Variants in ENPP1 observed in about 807,000 individuals in gnomAD.
ENPP1 encodes the protein ectonucleotide pyrophosphatase/phosphodiesterase 1, also known as ectonucleotide pyrophosphatase/phosphodiesterase family member 1.
A neutral mutation model predicts 122.8 loss-of-function variants in ENPP1; 73 were observed. The ratio of observed to expected loss-of-function variants is 0.59; its 90% CI spans 0.49 to 0.72. The LOEUF is 0.72. Among genes scored for constraint, ENPP1 ranks in the 30% least tolerant of loss-of-function variants. The pLI is 0.00. For synonymous variants in ENPP1, 367 were observed against 391.6 expected (o/e 0.94, Z 0.74); for missense variants, 978 against 1,128.1 (o/e 0.87, Z 1.91).
intron 8 of ENPP1, among the ~76,000 whole-genome samples, chr6:131,861,067 T>C (rs1439362192): frequency 6.6e-6 from 1 of 152,214 alleles, no homozygotes; most frequent in Admixed American, 6.5e-5. Flanking sequence ...ATAGTTAGTT[T>C]GCAGGTTATG....
Position 131,884,970 on chromosome 6 carries a change from A to G in ENPP1, c.2351A>G (p.Tyr784Cys), listed in dbSNP as rs1782357303. 1 of 1,613,966 alleles carries G rather than the reference A, an allele frequency of 6.2e-7. No individual in the cohort carries two copies. The highest frequency in any genetic ancestry group is 1.7e-5 in the Admixed American group (1 of 60,012). Reference sequence around the variant, plus strand: ...TTTCATGACACCCTACTGCGAAAGTATGCTGAAGAAAGAAATGGTGTCAAT... The same window carrying G: ...TTTCATGACACCCTACTGCGAAAGTGTGCTGAAGAAAGAAATGGTGTCAAT... The part of the protein sequence containing the change: ...RYFHDTLLRK[Y>C]AEERNGVNVV... The change falls in exon 23 of 25, where the codon TAT (tyrosine) becomes TGT (cysteine). Residue 784 changes from tyrosine (Y) to cysteine (C), a missense_variant. Around this residue, in one of 3 missense-constraint regions of ENPP1, gnomAD observed 644 missense variants for 781.5 expected, o/e 0.82. Coordinates refer to ENST00000647893, the MANE Select transcript of ENPP1 (RefSeq NM_006208.3).
At chr6:131,877,448 T>C in intron 18 of ENPP1, 1 of 447,142 alleles carries the variant, frequency 2.2e-6, no homozygotes, top group South Asian at 2.2e-5. Flanking sequence ...TGGAGAAGTC[T>C]AGTTCAGTTC....
At chr6:131,845,448 CTTG>C (rs770461883) in intron 1 of ENPP1, among the ~76,000 whole-genome samples, 1 of 76,754 alleles carries the variant, frequency 1.3e-5, no homozygotes, top group Non-Finnish European at 2.4e-5. Context: ...GTTGTTTTGG[CTTG>C]TTTTTTTTTT....
At chr6:131,817,754 T>C (rs62424467) in intron 1 of ENPP1, among the ~76,000 whole-genome samples, 12 of 146,442 alleles carry the variant, frequency 8.2e-5, no homozygotes, top group East Asian at 2.0e-4. Context: ...TCTCTCTCCA[T>C]ACACACACAC....
At chr6:131,835,392 T>C (rs1781661843) in intron 1 of ENPP1, among the ~76,000 whole-genome samples, 1 of 152,218 alleles carries the variant, frequency 6.6e-6, no homozygotes, top group African/African-American at 2.4e-5. Flanking sequence ...AAAAGAGGAA[T>C]GATGTAATGA....
rs779657137 is a variant in ENPP1 at position 131,869,405 on chromosome 6, T to A, written c.1321T>A (p.Leu441Met). Residue 441 changes from leucine (L) to methionine (M), a missense_variant, in exon 13 of 25, where the codon TTG (leucine) becomes ATG (methionine). Coordinates refer to ENST00000647893, the MANE Select transcript of ENPP1 (RefSeq NM_006208.3). The stretch of plus-strand genomic sequence containing the variant: ...GAAATACATATATCTGAATAAATAT[T>A]TGGGGGATGTTAAAAATATTAAAGT... ...CKKYIYLNKY[L>M]GDVKNIKVIY... 2 of 1,612,852 alleles carry A rather than the reference T, an allele frequency of 1.2e-6. No homozygotes were observed. The highest frequency in any genetic ancestry group is 1.7e-5 in the Admixed American group (1 of 59,984).
At chr6:131,837,114 A>G (rs529443366) in intron 1 of ENPP1, among the ~76,000 whole-genome samples, 2 of 150,430 alleles carry the variant, frequency 1.3e-5, no homozygotes, top group Non-Finnish European at 3.0e-5. Context: ...GTAATAAATG[A>G]CCTTGTCCAC....
intron 20 of ENPP1, among the ~76,000 whole-genome samples, chr6:131,881,978 G>A (rs7768359): frequency 0.39 from 59,420 of 151,642 alleles, 15,897 homozygotes; most frequent in African/African-American, 0.76. Context: ...AGATTGCGCC[G>A]CTGCCCTCTA....
At chr6:131,864,623 A>G (rs1782065714) in intron 10 of ENPP1, 52 bp downstream of exon 10, 1 of 1,254,326 alleles carries the variant, frequency 8.0e-7, no homozygotes, top group Non-Finnish European at 1.2e-6. Context: ...TAGAAATGAT[A>G]TACTATTTTA....
rs930329977 is a variant in ENPP1 at position 131,893,816 on chromosome 6, C to G, written c.*3305C>G. 6.6e-6 allele frequency: 1 copy of G among 152,070 alleles called. No homozygotes were observed. The allele number at this position is 152,070 out of a possible 1,614,324, so 9.4% of individuals were successfully genotyped here. The stretch of plus-strand genomic sequence containing the variant: ...TGGCAAAAGTGACTGATCTCTACTC[C>G]CCCAGTTTGAATGGTAAATTTGAAT... On this transcript the variant is annotated 3_prime_UTR_variant, in exon 25 of 25. Transcript: ENST00000647893.
intron 13 of ENPP1, 118 bp from the exon 14 acceptor site, chr6:131,871,939 CTTAAATGAACTCT>C: frequency 1.4e-6 from 1 of 731,628 alleles, no homozygotes; most frequent in East Asian, 2.6e-5. Flanking sequence ...AATGTAATGA[CTTAAATGAACTCT>C]TTAAAACCTG....
intron 7 of ENPP1, 21 bp from the exon 8 acceptor site, chr6:131,860,366 A>G: frequency 6.4e-7 from 1 of 1,574,584 alleles, no homozygotes; most frequent in Non-Finnish European, 8.7e-7. Flanking sequence ...ACTTGCATAT[A>G]ATCTGTTTTA....
chr6:131,887,290 TC>T (rs1782393327), intron 24 of ENPP1, among the ~76,000 whole-genome samples: 1 of 152,170 alleles, frequency 6.6e-6, no homozygotes, highest in South Asian at 2.1e-4. Flanking sequence ...CGTATTGTCA[TC>T]CCAGTGTGTT....
At chr6:131,842,736 C>T (rs1431702191) in intron 1 of ENPP1, among the ~76,000 whole-genome samples, 1 of 152,150 alleles carries the variant, frequency 6.6e-6, no homozygotes, top group Admixed American at 6.5e-5. Context: ...CTTTGTTTCT[C>T]TGTAAGGGTA....
rs528337972 is a variant in ENPP1 at position 131,887,816 on chromosome 6, T to C, written c.2607+1092T>C. On this transcript the variant is annotated intron_variant, in intron 24 of 24. Transcript: ENST00000647893. ...TCCTGACCTTGTGATCCACCCGCCTTGTCCTTCCAAAATGCTGGGATTACA... is the reference window on the plus strand; with the variant it reads ...TCCTGACCTTGTGATCCACCCGCCTCGTCCTTCCAAAATGCTGGGATTACA... Among the ~76,000 whole-genome samples, 5 of 149,382 alleles carry C rather than the reference T, an allele frequency of 3.3e-5. No homozygotes were observed. In the Admixed American group the frequency reaches 3.4e-4, roughly 10 times the overall value.
chr6:131,884,105 CTA>C (rs1262184306), intron 22 of ENPP1, among the ~76,000 whole-genome samples: 3 of 152,072 alleles, frequency 2.0e-5, no homozygotes. Context: ...TGATAATTGT[CTA>C]TGTTTTCAAA....
chr6:131,861,273 T>C (rs1476783138), intron 8 of ENPP1, among the ~76,000 whole-genome samples: 2 of 152,222 alleles, frequency 1.3e-5, no homozygotes, highest in Admixed American at 1.3e-4. Flanking sequence ...CAATAATAAG[T>C]GCTTAATAAA....
At chr6:131,839,281 T>A (rs1317546081) in intron 1 of ENPP1, among the ~76,000 whole-genome samples, 1 of 152,162 alleles carries the variant, frequency 6.6e-6, no homozygotes, top group Non-Finnish European at 1.5e-5. Context: ...TTTTTATTTC[T>A]ATTTTTTTTT....
intron 20 of ENPP1, among the ~76,000 whole-genome samples, chr6:131,881,405 G>T (rs1323830580): frequency 6.6e-6 from 1 of 151,832 alleles, no homozygotes; most frequent in Non-Finnish European, 1.5e-5. Context: ...CTTAATTATG[G>T]GTTCCTTGAT....
Sources: allele counts gnomAD v4.1 joint callset (sites outside exome capture counted in the v4.1 genomes callset), GRCh38; gene constraint gnomAD v4.1.1; regional missense constraint gnomAD v4.1.1; transcripts MANE v1.5; gene names NCBI Gene and HGNC (gene_info 2026-07-23, HGNC 2026-07-21).